CPNE4: variants seen among roughly 807,000 people sequenced by gnomAD.
The protein encoded by CPNE4 is copine-4.
A neutral mutation model predicts 67.9 loss-of-function variants in CPNE4; 25 were observed. The ratio of observed to expected loss-of-function variants is 0.37; its 90% CI spans 0.27 to 0.51. The LOEUF (loss-of-function observed/expected upper bound fraction) is 0.51, where lower values mean the gene tolerates loss of function less well. CPNE4 is among the 20% of genes least tolerant of loss of function. The pLI, the probability that CPNE4 is intolerant of heterozygous loss-of-function variation, is 0.93. For missense variants in CPNE4, 464 were observed against 690.8 expected, an observed-to-expected ratio of 0.67 and a Z score of 3.68; for synonymous variants, 242 against 244.9, an observed-to-expected ratio of 0.99 and a Z score of 0.11.
chr3:131,835,192 G>A (rs1254233177), intron 2 of CPNE4, among the ~76,000 whole-genome samples: 1 of 152,156 alleles, frequency 6.6e-6, no homozygotes, highest in Non-Finnish European at 1.5e-5. Flanking sequence ...TGGTTTGTGT[G>A]CTAGAGAAGC....
chr3:131,799,922 T>TGTGTG (rs2084037375), intron 2 of CPNE4, among the ~76,000 whole-genome samples: 1 of 2,454 alleles, frequency 4.1e-4, no homozygotes. Flanking sequence ...GTGTGTGTTG[T>TGTGTG]GTGTGTGTGT....
At chr3:132,031,601 G>A (rs1335998847) in intron 1 of CPNE4, among the ~76,000 whole-genome samples, 4 of 152,068 alleles carry the variant, frequency 2.6e-5, no homozygotes, top group East Asian at 1.9e-4. Flanking sequence ...CAACACTGAC[G>A]GCTCATCTTC....
At chr3:131,681,488 T>C (rs1239071805) in intron 6 of CPNE4, among the ~76,000 whole-genome samples, 1 of 152,244 alleles carries the variant, frequency 6.6e-6, no homozygotes, top group African/African-American at 2.4e-5. Flanking sequence ...CTGAGAATTC[T>C]GCGTCAGATG....
At chr3:131,768,618 C>T (rs1452537939) in intron 2 of CPNE4, among the ~76,000 whole-genome samples, 1 of 152,122 alleles carries the variant, frequency 6.6e-6, no homozygotes, top group Non-Finnish European at 1.5e-5. Flanking sequence ...AGCTTCATCT[C>T]AAGCAGGATG....
intron 1 of CPNE4, among the ~76,000 whole-genome samples, chr3:131,952,261 T>C (rs190571346): frequency 3.3e-5 from 5 of 150,456 alleles, no homozygotes; most frequent in Middle Eastern, 3.5e-3. Context: ...CGCGAACCCG[T>C]ATGGGAGGTG....
intron 1 of CPNE4, among the ~76,000 whole-genome samples, chr3:132,012,135 T>C (rs1250328484): frequency 1.3e-5 from 2 of 151,596 alleles, no homozygotes; most frequent in Non-Finnish European, 2.9e-5. Context: ...CATGGGTCTA[T>C]ACCCTTGTAT....
intron 1 of CPNE4, among the ~76,000 whole-genome samples, chr3:132,016,178 T>G (rs2073886137): frequency 6.6e-6 from 1 of 152,226 alleles, no homozygotes; most frequent in Non-Finnish European, 1.5e-5. Flanking sequence ...TATTACACCC[T>G]GGATTGAACT....
At chr3:131,766,239 T>C (rs1046203849) in intron 2 of CPNE4, among the ~76,000 whole-genome samples, 1 of 152,102 alleles carries the variant, frequency 6.6e-6, no homozygotes, top group Non-Finnish European at 1.5e-5. Context: ...TAAAATGAAA[T>C]TACAAATAAT....
intron 6 of CPNE4, among the ~76,000 whole-genome samples, chr3:131,671,484 T>C (rs918999825): frequency 6.6e-6 from 1 of 151,752 alleles, no homozygotes; most frequent in African/African-American, 2.4e-5. Context: ...TGTGTGTGTG[T>C]GTGTACGTGC....
chr3:131,652,074 T>C (rs532119471), intron 7 of CPNE4, among the ~76,000 whole-genome samples: 1 of 152,210 alleles, frequency 6.6e-6, no homozygotes, highest in Non-Finnish European at 1.5e-5. Flanking sequence ...CTTGTTTTAA[T>C]AAATGGCTGA....
chr3:131,653,386 G>A (rs1365315215), intron 7 of CPNE4, among the ~76,000 whole-genome samples: 3 of 152,012 alleles, frequency 2.0e-5, no homozygotes, highest in Admixed American at 2.0e-4. Flanking sequence ...CTGACCTCGT[G>A]ATCTGCCCGC....
At chr3:131,601,214 G>A (rs928617395) in intron 7 of CPNE4, among the ~76,000 whole-genome samples, 3 of 152,066 alleles carry the variant, frequency 2.0e-5, no homozygotes, top group Middle Eastern at 3.2e-3. Flanking sequence ...TCTCTATGGT[G>A]GGAATTACTT....
intron 10 of CPNE4, 74 bp from the exon 11 acceptor site, chr3:131,564,423 A>G: frequency 6.9e-7 from 1 of 1,450,566 alleles, no homozygotes; most frequent in Non-Finnish European, 9.4e-7. Context: ...CAGTCATGAG[A>G]GAGACCTGGC....
chr3:131,541,419 G>A (rs1935479638), intron 15 of CPNE4, among the ~76,000 whole-genome samples: 1 of 152,126 alleles, frequency 6.6e-6, no homozygotes, highest in African/African-American at 2.4e-5. Flanking sequence ...ATTGTCTAAT[G>A]GTTCTGCCTC....
intron 1 of CPNE4, among the ~76,000 whole-genome samples, chr3:131,913,827 C>T (rs566892944): frequency 2.0e-5 from 3 of 152,236 alleles, no homozygotes; most frequent in Admixed American, 2.0e-4. Context: ...TTCTCTATAT[C>T]TGTTTTACCA....
chr3:131,982,795 TACTTTAAATTGGCTTATAATAAGGAA>T (rs1348222947), intron 1 of CPNE4, among the ~76,000 whole-genome samples: 2 of 152,230 alleles, frequency 1.3e-5, no homozygotes, highest in East Asian at 1.9e-4. Context: ...ATATATGAAA[TACTTTAAATTGGCTTATAATAAGGAA>T]ACTTTAAATT....
intron 2 of CPNE4, among the ~76,000 whole-genome samples, chr3:131,724,942 A>G (rs185434900): frequency 6.6e-6 from 1 of 152,316 alleles, no homozygotes; most frequent in East Asian, 1.9e-4. Flanking sequence ...GCTTTTAAAG[A>G]CTAAGTTATA....
At chr3:131,574,947 G>C in intron 10 of CPNE4, 124 bp downstream of exon 10, 6 of 762,850 alleles carry the variant, frequency 7.9e-6, no homozygotes, top group Non-Finnish European at 1.1e-5. Flanking sequence ...TCAACAATGA[G>C]ACTTGAACAA....
chr3:131,537,283 G>GTT (rs756997599), intron 15 of CPNE4, among the ~76,000 whole-genome samples: 3,470 of 123,812 alleles, frequency 0.028, 100 homozygotes, highest in Admixed American at 0.037. Context: ...TTTCTTTTCT[G>GTT]TTTTTTTTTT....
Sources: gnomAD v4.1 joint callset for allele counts (sites outside exome capture counted in the v4.1 genomes callset) on GRCh38, gnomAD v4.1.1 for gene constraint, MANE v1.5 for transcripts, NCBI Gene and HGNC (gene_info 2026-07-23, HGNC 2026-07-21) for gene names.